The following KIAA1586 variants were observed in gnomAD, a reference collection of about 807,000 sequenced individuals.
KIAA1586 encodes the protein E3 SUMO-protein ligase KIAA1586.
KIAA1586 carries 5 observed loss-of-function variants against 6.1 expected under a neutral mutation model. The observed-to-expected ratio is 0.82, with a 90% CI of 0.43 to 1.73. KIAA1586 has a LOEUF of 1.73. Ranked by LOEUF, KIAA1586 falls within the 40% of genes most tolerant of loss-of-function variation. KIAA1586 has a pLI of 0.02. For synonymous variants in KIAA1586, 280 were observed against 301.7 expected (o/e 0.93, Z 0.75); for missense variants, 899 against 878.2 (o/e 1.02, Z -0.30).
chr6:57,062,606 G>T, the KIAA1586 span, among the ~76,000 whole-genome samples: 1 of 152,160 alleles, frequency 6.6e-6, no homozygotes, highest in Non-Finnish European at 1.5e-5. Context: ...ATACATGGAA[G>T]AAATTTCAAA....
rs556897330 is a variant in KIAA1586 at position 57,054,662 on chromosome 6, G to A, written c.2163G>A (p.Val721=). The change falls in exon 4 of 4, where the codon GTG becomes GTA. Residue 721 remains valine, a synonymous_variant. Coordinates refer to ENST00000370733, the MANE Select transcript of KIAA1586 (RefSeq NM_020931.4). ...TAATGAACATAATTTGTACAAGGGT[G>A]AGAAATAGTTTAACAATAGATCATG... The part of the protein sequence containing the change: ...FNLMNIICTR[V]RNSLTIDHVS... 58 of 1,562,534 alleles carry A rather than the reference G, an allele frequency of 3.7e-5. No individual in the cohort carries two copies. In the East Asian group the frequency reaches 1.3e-3, roughly 35 times the overall value.
downstream of KIAA1586, among the ~76,000 whole-genome samples, chr6:57,059,106 A>G (rs1271900782): frequency 6.6e-6 from 1 of 152,224 alleles, no homozygotes; most frequent in Non-Finnish European, 1.5e-5. Context: ...CAAATCAAGT[A>G]TGATGAAAAC....
chr6:57,060,471 A>T, the KIAA1586 span, among the ~76,000 whole-genome samples: 1 of 152,330 alleles, frequency 6.6e-6, no homozygotes, highest in East Asian at 1.9e-4. Context: ...GAAGTAGGCA[A>T]GGGAGAAAGA....
Position 57,048,873 on chromosome 6 carries a change from T to C in KIAA1586, c.105+1477T>C, listed in dbSNP as rs113378703. On this transcript the variant is annotated intron_variant, in intron 2 of 3. Coordinates refer to ENST00000370733, the MANE Select transcript of KIAA1586 (RefSeq NM_020931.4). ...ACAGATGGGATGTACAAAATTAAGT[T>C]TGGAAAAGTAAATAGGTATAGATTT... 2.0e-3 allele frequency among the ~76,000 whole-genome samples: 297 copies of C among 152,296 alleles called. 3 individuals carry two copies. Among genetic ancestry groups the C allele is most frequent in the African/African-American group, 6.8e-3 (284 of 41,550 alleles).
At chr6:57,057,687 G>A (rs554066391), downstream of KIAA1586, among the ~76,000 whole-genome samples, 46 of 152,250 alleles carry the variant, frequency 3.0e-4, no homozygotes, top group African/African-American at 1.1e-3. Context: ...CTGGGAGGCA[G>A]AGGTTTCTGA....
downstream of KIAA1586, among the ~76,000 whole-genome samples, chr6:57,059,828 A>G (rs191499599): frequency 1.3e-5 from 2 of 152,262 alleles, no homozygotes; most frequent in African/African-American, 4.8e-5. Context: ...GTTTTGAAAA[A>G]TGGCCCAACC....
At chr6:57,063,281 G>A in the KIAA1586 span, among the ~76,000 whole-genome samples, 3 of 152,088 alleles carry the variant, frequency 2.0e-5, no homozygotes, top group Admixed American at 2.0e-4. Flanking sequence ...TAGAATCGTG[G>A]ATAATTTTTT....
the KIAA1586 span, among the ~76,000 whole-genome samples, chr6:57,064,491 A>G: frequency 2.6e-5 from 4 of 152,178 alleles, no homozygotes; most frequent in African/African-American, 4.8e-5. Flanking sequence ...CATCTCTTCA[A>G]TGACAACATT....
chr6:57,054,165 T>C lies in KIAA1586; in HGVS notation c.1666T>C (p.Leu556=), dbSNP rs1304997894. The change falls in exon 4 of 4, where the codon TTG becomes CTG. Residue 556 remains leucine (L), a synonymous_variant. Transcript: ENST00000370733. ...RSTNIKKAQK[L]IKRTIRALEN... The stretch of plus-strand genomic sequence containing the variant: ...AACTAATATTAAGAAAGCACAAAAA[T>C]TGATCAAACGTACCATAAGAGCTTT... 3.1e-6 allele frequency: 5 copies of C among 1,588,520 alleles called. No homozygotes were observed. The highest frequency in any genetic ancestry group is 4.5e-5 in the East Asian group (2 of 44,696).
chr6:57,046,850 G>A, intron 1 of KIAA1586, 74 bp downstream of exon 1: 3 of 1,566,386 alleles, frequency 1.9e-6, no homozygotes, highest in Non-Finnish European at 2.6e-6. Context: ...GCGGTCTGAG[G>A]CCTGGTGCTC....
chr6:57,046,720 A>T lies in KIAA1586; in HGVS notation c.-36A>T. 1.9e-6 allele frequency: 3 copies of T among 1,611,892 alleles called. No homozygotes were observed. The highest frequency in any genetic ancestry group is 2.5e-6 in the Non-Finnish European group (3 of 1,179,148). Reference sequence around the variant, plus strand: ...TGGCGGCTGCGGCAGTAGGGACAGCAGGAGCAGTGGTGCTGTCAGCGCGGC... The same window carrying T: ...TGGCGGCTGCGGCAGTAGGGACAGCTGGAGCAGTGGTGCTGTCAGCGCGGC... On this transcript the variant is annotated 5_prime_UTR_variant, in exon 1 of 4. Coordinates refer to ENST00000370733, the MANE Select transcript of KIAA1586 (RefSeq NM_020931.4).
the KIAA1586 span, among the ~76,000 whole-genome samples, chr6:57,063,691 C>T: frequency 7.9e-5 from 12 of 151,928 alleles, no homozygotes; most frequent in African/African-American, 2.4e-4. Context: ...CGACCTCAAG[C>T]GATCTGCCCG....
At chr6:57,065,395 A>G in the KIAA1586 span, among the ~76,000 whole-genome samples, 2 of 151,964 alleles carry the variant, frequency 1.3e-5, no homozygotes, top group African/African-American at 4.8e-5. Flanking sequence ...TTCTCATTTT[A>G]TTCAGAAGCT....
rs1426628923 is a variant in KIAA1586, at chr6:57,053,866, A to G, written c.1367A>G (p.Lys456Arg). The G allele has an allele frequency of 1.9e-6, 3 of 1,562,572 alleles. No individual in the cohort carries two copies. The highest frequency in any genetic ancestry group is 4.5e-5 in the East Asian group (2 of 44,214). Residue 456 changes from lysine (K) to arginine (R), a missense_variant, in exon 4 of 4, where the codon AAA (lysine) becomes AGA (arginine). Physicochemically the swap from Lys to Arg is conservative, Grantham distance 26 (BLOSUM62 2). Coordinates refer to ENST00000370733, the MANE Select transcript of KIAA1586 (RefSeq NM_020931.4). Reference protein sequence around the residue: ...KIYSIYHQPNKNQTKLLGTVA... With the variant: ...KIYSIYHQPNRNQTKLLGTVA... ...TATTCTATTTATCATCAACCTAATA[A>G]AAATCAAACCAAGCTTCTAGGAACT...
chr6:57,063,205 G>A, the KIAA1586 span, among the ~76,000 whole-genome samples: 1 of 152,082 alleles, frequency 6.6e-6, no homozygotes, highest in Admixed American at 6.6e-5. Flanking sequence ...CTTGAATGAG[G>A]TAAAGCAGAC....
chr6:57,062,753 G>T, the KIAA1586 span, among the ~76,000 whole-genome samples: 1 of 152,094 alleles, frequency 6.6e-6, no homozygotes, highest in African/African-American at 2.4e-5. Context: ...ACTGACTATG[G>T]TAAAAATATT....
At chr6:57,051,378 A>G (rs1206749206) in intron 3 of KIAA1586, among the ~76,000 whole-genome samples, 1 of 151,714 alleles carries the variant, frequency 6.6e-6, no homozygotes, top group East Asian at 1.9e-4. Flanking sequence ...TTAATACATC[A>G]TTTCCTACTA....
the KIAA1586 span, among the ~76,000 whole-genome samples, chr6:57,063,011 C>T: frequency 9.9e-5 from 15 of 151,844 alleles, no homozygotes; most frequent in African/African-American, 1.9e-4. Context: ...GCCGAGATTG[C>T]GCCACTGCCC....
intron 2 of KIAA1586, among the ~76,000 whole-genome samples, chr6:57,048,761 C>T (rs1259230846): frequency 6.6e-6 from 1 of 152,118 alleles, no homozygotes; most frequent in Non-Finnish European, 1.5e-5. Context: ...AGAAGTGACA[C>T]ACGTCTGATT....
Sources: allele counts gnomAD v4.1 joint callset (sites outside exome capture counted in the v4.1 genomes callset), GRCh38; gene constraint gnomAD v4.1.1; transcripts MANE v1.5; gene names NCBI Gene and HGNC (gene_info 2026-07-23, HGNC 2026-07-21).